The following ZC3H7B variants were observed in gnomAD, a reference collection of about 807,000 sequenced individuals.
ZC3H7B encodes the protein zinc finger CCCH-type containing 7B, also known as zinc finger CCCH domain-containing protein 7B.
ZC3H7B carries 35 observed loss-of-function variants against 116.0 expected under a neutral mutation model. The ratio of observed to expected loss-of-function variants is 0.30; its 90% CI spans 0.23 to 0.40. ZC3H7B has a LOEUF of 0.40. Ranked by LOEUF, ZC3H7B falls within the 10% of genes least tolerant of loss-of-function variation. The pLI is 1.00. For missense variants in ZC3H7B, 1,011 were observed against 1,321.5 expected, an observed-to-expected ratio of 0.77 and a Z score of 3.64; for synonymous variants, 502 against 545.6, an observed-to-expected ratio of 0.92 and a Z score of 1.11.
In ZC3H7B at chr22:41,349,074, G is replaced by A; in HGVS notation, c.1767-46G>A. 1 of 1,598,328 alleles carries A rather than the reference G, an allele frequency of 6.3e-7. No homozygotes were observed. The highest frequency in any genetic ancestry group is 8.5e-7 in the Non-Finnish European group (1 of 1,171,414). ...GGCCCTACCAGGAGAGAAGGTCAGA[G>A]GGGCTGCGGACTGCATCGTGCCCCT... On this transcript the variant is annotated intron_variant, in intron 15 of 22. Coordinates refer to ENST00000352645, the MANE Select transcript of ZC3H7B (RefSeq NM_017590.6). This position sits in a 1 kb window ranked among gnomAD's most constrained non-coding sequence, Gnocchi z 4.9.
At chr22:41,307,574 C>T (rs1219758430) in intron 1 of ZC3H7B, among the ~76,000 whole-genome samples, 4 of 152,218 alleles carry the variant, frequency 2.6e-5, no homozygotes, top group Non-Finnish European at 4.4e-5. Flanking sequence ...GGCTGAGACA[C>T]AAGCTTGGTG....
Position 41,338,190 on chromosome 22 carries a change from C to A in ZC3H7B, c.583-123C>A. 9.7e-7 allele frequency: 1 copy of A among 1,031,184 alleles called. No homozygotes were observed. Among genetic ancestry groups the A allele is most frequent in the Non-Finnish European group, 1.4e-6 (1 of 702,302 alleles). The allele number at this position is 1,031,184 out of a possible 1,614,324, so 63.9% of individuals were successfully genotyped here. A position where few individuals can be genotyped will look rare whatever the true frequency, so the allele number is the denominator to read the frequency against. On this transcript the variant is annotated intron_variant, in intron 7 of 22. Coordinates refer to ENST00000352645, the MANE Select transcript of ZC3H7B (RefSeq NM_017590.6). This position sits in a 1 kb window ranked among gnomAD's most constrained non-coding sequence, Gnocchi z 4.5. ...GCCGCATGTGAGGGCTTTAATCTCC[C>A]CTGGCACTCTAAGTGCTCCTCGGTG...
chr22:41,344,579 C>T (rs2036562119), intron 13 of ZC3H7B, among the ~76,000 whole-genome samples: 1 of 152,220 alleles, frequency 6.6e-6, no homozygotes, highest in African/African-American at 2.4e-5. Context: ...TGCGGTGCTT[C>T]CCCTTGCAAT....
intron 2 of ZC3H7B, among the ~76,000 whole-genome samples, chr22:41,322,241 G>A (rs1433489355): frequency 1.3e-5 from 2 of 151,728 alleles, no homozygotes; most frequent in Non-Finnish European, 2.9e-5. Flanking sequence ...AGGCTGGAAC[G>A]CAGTGGTGCG....
chr22:41,328,521 T>C (rs1301512201), intron 5 of ZC3H7B, among the ~76,000 whole-genome samples: 3 of 152,196 alleles, frequency 2.0e-5, no homozygotes, highest in Non-Finnish European at 4.4e-5. Flanking sequence ...CCTTGCCCTT[T>C]TGTGCCTGGA....
chr22:41,316,517 A>G (rs893770407), intron 1 of ZC3H7B, among the ~76,000 whole-genome samples: 22 of 151,094 alleles, frequency 1.5e-4, no homozygotes, highest in Admixed American at 9.9e-4. Flanking sequence ...GCTGGTCTCA[A>G]ACTCCTGACC....
chr22:41,348,143 C>T lies in ZC3H7B; in HGVS notation c.1742C>T (p.Ala581Val), dbSNP rs763370972. 6.2e-7 allele frequency: 1 copy of T among 1,613,878 alleles called. No homozygotes were observed. Among genetic ancestry groups the T allele is most frequent in the Admixed American group, 1.7e-5 (1 of 60,010 alleles). ...CCGTCTGTCTGCTCCAACCTGGCTGCCAAGCACAGCTTCTACAACAACAAG... is the reference window on the plus strand; with the variant it reads ...CCGTCTGTCTGCTCCAACCTGGCTGTCAAGCACAGCTTCTACAACAACAAG... Reference protein sequence around the residue: ...DSPSVCSNLAAKHSFYNNKCL... With the variant: ...DSPSVCSNLAVKHSFYNNKCL... Residue 581 changes from alanine (A) to valine (V), a missense_variant, in exon 15 of 23, where the codon GCC becomes GTC. Around this residue, in one of 5 missense-constraint regions of ZC3H7B, gnomAD observed 406 missense variants for 590.2 expected, o/e 0.69. Coordinates refer to ENST00000352645, the MANE Select transcript of ZC3H7B (RefSeq NM_017590.6).
chr22:41,356,288 G>A (rs768013863), intron 20 of ZC3H7B, 55 bp from the exon 21 acceptor site: 32 of 1,609,540 alleles, frequency 2.0e-5, no homozygotes, highest in Admixed American at 5.0e-5. Context: ...GGACCATGGG[G>A]CAGAATGGAT....
At chr22:41,342,480 C>T (rs939237705) in intron 11 of ZC3H7B, 49 bp from the exon 12 acceptor site, 2 of 1,578,948 alleles carry the variant, frequency 1.3e-6, no homozygotes, top group Non-Finnish European at 1.7e-6. Flanking sequence ...GCCCCAGTGG[C>T]CTCAGCCATC....
At chr22:41,320,869 A>G (rs997636683) in intron 2 of ZC3H7B, among the ~76,000 whole-genome samples, 156 bp downstream of exon 2, 2 of 152,116 alleles carry the variant, frequency 1.3e-5, no homozygotes, top group African/African-American at 2.4e-5. Context: ...GGAGCCAGGA[A>G]GGGGCTGGTG....
In ZC3H7B at chr22:41,351,275, G is replaced by A. The variant is rs1256571911; in HGVS notation, c.1949-286G>A. On this transcript the variant is annotated intron_variant, in intron 16 of 22. Coordinates refer to ENST00000352645, the MANE Select transcript of ZC3H7B (RefSeq NM_017590.6). The surrounding 1 kb of genome is among the most constrained non-coding windows in gnomAD (Gnocchi z 5.1). ...AAGAGACAGGGTCACTGGCATGGGA[G>A]CAGAGGACTCCCTACCACAGTACAG... Among the ~76,000 whole-genome samples, 1 of 152,176 alleles carries A rather than the reference G, an allele frequency of 6.6e-6. No homozygotes were observed. The highest frequency in any genetic ancestry group is 2.1e-4 in the South Asian group (1 of 4,828).
rs1490258006 is a variant in ZC3H7B, at chr22:41,325,889, G to A, written c.256G>A (p.Val86Ile). 1.9e-6 allele frequency: 3 copies of A among 1,610,146 alleles called. No individual in the cohort carries two copies. The highest frequency in any genetic ancestry group is 2.5e-6 in the Non-Finnish European group (3 of 1,179,002). Residue 86 changes from valine (V) to isoleucine (I), a missense_variant, in exon 4 of 23, where the codon GTC becomes ATC. Coordinates refer to ENST00000352645, the MANE Select transcript of ZC3H7B (RefSeq NM_017590.6). ...CCGGGAGCTGCTGTGCAAGCTGCAT[G>A]TCAATAGGGCCGCCTGCTACTTCAC... ...LPRELLCKLH[V>I]NRAACYFTMG...
Position 41,358,414 on chromosome 22 carries a change from C to G in ZC3H7B, c.*985C>G, listed in dbSNP as rs2036748205. 6.6e-6 allele frequency: 1 copy of G among 152,348 alleles called. No homozygotes were observed. Among genetic ancestry groups the G allele is most frequent in the Admixed American group, 6.5e-5 (1 of 15,274 alleles). 9.4% of individuals were successfully genotyped at this position (152,348 alleles called of 1,614,324 possible). On this transcript the variant is annotated 3_prime_UTR_variant, in exon 23 of 23. Transcript: ENST00000352645. ...CCAAGGATGGTCCCTTTGGGTGCAG[C>G]AGCAGAGGTCACCTCCTGACATGCG... is the stretch of plus-strand genomic sequence containing the variant.
chr22:41,355,372 A>G, intron 17 of ZC3H7B, 97 bp from the exon 18 acceptor site: 2 of 1,520,768 alleles, frequency 1.3e-6, no homozygotes, highest in Non-Finnish European at 1.8e-6. Flanking sequence ...AGACCAGCTT[A>G]TTCCAAGGCT....
Position 41,345,988 on chromosome 22 carries a change from GT to G in ZC3H7B, c.1460-13del. 1 of 1,613,912 alleles carries G rather than the reference GT, an allele frequency of 6.2e-7. No homozygotes were observed. The highest frequency in any genetic ancestry group is 1.1e-5 in the South Asian group (1 of 91,088). Reference sequence around the variant, plus strand: ...CCCCGCCTGGCGGAACGTGTGTCCTGTTGCCTCTTTGCAGACATGATTAACA... The same window carrying G: ...CCCCGCCTGGCGGAACGTGTGTCCTGTGCCTCTTTGCAGACATGATTAACA... On this transcript the variant is annotated splice_polypyrimidine_tract_variant and intron_variant, in intron 13 of 22. Transcript: ENST00000352645.
chr22:41,342,984 C>A (rs1372801778), intron 12 of ZC3H7B, among the ~76,000 whole-genome samples: 1 of 152,150 alleles, frequency 6.6e-6, no homozygotes, highest in African/African-American at 2.4e-5. Context: ...ATCAGCCTGG[C>A]CAACATGGTG....
intron 1 of ZC3H7B, among the ~76,000 whole-genome samples, chr22:41,304,092 C>T (rs2036009494): frequency 6.6e-6 from 1 of 151,910 alleles, no homozygotes; most frequent in African/African-American, 2.4e-5. Context: ...CTCACTCTGT[C>T]ACCCAGGCTG....
chr22:41,307,404 A>ATGTTGGTTGTGTTGGTGCCG (rs1280786063), intron 1 of ZC3H7B, among the ~76,000 whole-genome samples: 4 of 151,828 alleles, frequency 2.6e-5, no homozygotes, highest in South Asian at 4.1e-4. Context: ...CTTTGCAGGC[A>ATGTTGGTTGTGTTGGTGCCG]TGTTGGTTGT....
At chr22:41,347,714 C>T (rs2036604878) in intron 14 of ZC3H7B, among the ~76,000 whole-genome samples, 1 of 152,206 alleles carries the variant, frequency 6.6e-6, no homozygotes. Context: ...CCACAGGGAG[C>T]ATTGGCCTGG....
Sources: gnomAD v4.1 joint callset for allele counts (sites outside exome capture counted in the v4.1 genomes callset) on GRCh38, gnomAD v4.1.1 for gene constraint, gnomAD v4.1.1 regional missense constraint, Gnocchi (gnomAD v3.1) non-coding constraint, MANE v1.5 for transcripts, NCBI Gene and HGNC (gene_info 2026-07-23, HGNC 2026-07-21) for gene names.